The following SPMIP2 variants were observed in gnomAD, a reference collection of about 807,000 sequenced individuals.
SPMIP2 encodes sperm microtubule inner protein 2, also known as protein SPMIP2.
chr4:159,007,898 T>C, the SPMIP2 span: 3 of 459,938 alleles, frequency 6.5e-6, no homozygotes, highest in South Asian at 4.8e-5. Context: ...AAGAATATGG[T>C]AATTACATAA....
the SPMIP2 span, among the ~76,000 whole-genome samples, chr4:159,078,717 C>T: frequency 6.6e-6 from 1 of 152,196 alleles, no homozygotes; most frequent in East Asian, 1.9e-4. Flanking sequence ...AGTAAAAAGA[C>T]AAATTTCTCA....
At chr4:158,941,152 A>G in the SPMIP2 span, among the ~76,000 whole-genome samples, 1 of 152,188 alleles carries the variant, frequency 6.6e-6, no homozygotes, top group African/African-American at 2.4e-5. Context: ...CAGATAGACA[A>G]ATAGACATAT....
At chr4:159,055,168 C>T in the SPMIP2 span, among the ~76,000 whole-genome samples, 1 of 152,186 alleles carries the variant, frequency 6.6e-6, no homozygotes, top group Non-Finnish European at 1.5e-5. Context: ...TTATAAGGAA[C>T]TACCTGAAGA....
chr4:158,893,290 A>C, the SPMIP2 span: 1 of 163,956 alleles, frequency 6.1e-6, no homozygotes, highest in Admixed American at 6.2e-5. Context: ...CCTGGGGTCA[A>C]ATCCAAGTTC....
At chr4:158,989,440 A>G in the SPMIP2 span, among the ~76,000 whole-genome samples, 1 of 152,342 alleles carries the variant, frequency 6.6e-6, no homozygotes, top group South Asian at 2.1e-4. Flanking sequence ...TTGAGCAAAA[A>G]GAATAAAGCT....
chr4:158,901,169 G>A, the SPMIP2 span, among the ~76,000 whole-genome samples: 1 of 119,274 alleles, frequency 8.4e-6, no homozygotes, highest in Non-Finnish European at 1.6e-5. Flanking sequence ...GTCTTGCTCT[G>A]TTGCCCAGGC....
At chr4:158,911,383 T>TAAATAAATAAAA in the SPMIP2 span, among the ~76,000 whole-genome samples, 5 of 76,396 alleles carry the variant, frequency 6.5e-5, no homozygotes, top group East Asian at 2.7e-4. Context: ...AATAAATAAA[T>TAAATAAATAAAA]AAAATAAATA....
At chr4:159,072,451 C>CTTTTTT in the SPMIP2 span, among the ~76,000 whole-genome samples, 3 of 69,126 alleles carry the variant, frequency 4.3e-5, no homozygotes, top group African/African-American at 1.2e-4. Flanking sequence ...CTTATGAATT[C>CTTTTTT]TTTTTTTTTT....
the SPMIP2 span, among the ~76,000 whole-genome samples, chr4:158,987,614 C>T: frequency 6.6e-6 from 1 of 152,048 alleles, no homozygotes; most frequent in Middle Eastern, 3.4e-3. Context: ...GAACAACACA[C>T]TCTGGGGACT....
the SPMIP2 span, chr4:159,007,985 C>A: frequency 2.8e-6 from 1 of 362,880 alleles, no homozygotes; most frequent in Non-Finnish European, 5.4e-6. Context: ...GCCTGTAGTC[C>A]CAGCTACTTG....
the SPMIP2 span, among the ~76,000 whole-genome samples, chr4:159,050,541 A>C: frequency 6.6e-6 from 1 of 152,126 alleles, no homozygotes; most frequent in South Asian, 2.1e-4. Flanking sequence ...GATGGCTCAC[A>C]CGTGTAATCC....
the SPMIP2 span, among the ~76,000 whole-genome samples, chr4:158,916,256 TAAAC>T: frequency 3.9e-5 from 6 of 151,934 alleles, no homozygotes; most frequent in African/African-American, 1.5e-4. Flanking sequence ...AGACAAAAAA[TAAAC>T]AGATAACTGA....
chr4:159,045,592 G>A, the SPMIP2 span, among the ~76,000 whole-genome samples: 1 of 152,228 alleles, frequency 6.6e-6, no homozygotes, highest in Non-Finnish European at 1.5e-5. Context: ...GAATAGCTAT[G>A]AGAGAGAAAG....
the SPMIP2 span, among the ~76,000 whole-genome samples, chr4:158,948,229 G>C: frequency 5.3e-5 from 8 of 152,076 alleles, no homozygotes; most frequent in African/African-American, 1.9e-4. Context: ...CTTGGTTCCT[G>C]GACTGGACTC....
At chr4:158,909,336 A>C in the SPMIP2 span, 1 of 151,986 alleles carries the variant, frequency 6.6e-6, no homozygotes, top group Non-Finnish European at 1.5e-5. Flanking sequence ...GAAAATTTCA[A>C]GTGTTTTTCC....
chr4:159,079,738 A>G, the SPMIP2 span, among the ~76,000 whole-genome samples: 6 of 152,188 alleles, frequency 3.9e-5, no homozygotes, highest in Admixed American at 6.5e-5. Flanking sequence ...GGCACATGAA[A>G]ATTGTCACAG....
the SPMIP2 span, among the ~76,000 whole-genome samples, chr4:158,937,740 A>C: frequency 1.8e-3 from 277 of 152,346 alleles, 1 homozygote; most frequent in Middle Eastern, 0.01. Flanking sequence ...ACCCACAAAG[A>C]AAGTGAACAG....
At chr4:158,897,088 C>T in the SPMIP2 span, among the ~76,000 whole-genome samples, 10 of 151,844 alleles carry the variant, frequency 6.6e-5, no homozygotes, top group South Asian at 2.1e-4. Flanking sequence ...GGAGCACATG[C>T]GGTGTTTGGT....
At chr4:159,043,123 C>T in the SPMIP2 span, among the ~76,000 whole-genome samples, 102 of 152,298 alleles carry the variant, frequency 6.7e-4, no homozygotes, top group Middle Eastern at 3.4e-3. Context: ...CCTTCTCCCT[C>T]ACTAACTCCC....
Sources: gnomAD v4.1 joint callset for allele counts (sites outside exome capture counted in the v4.1 genomes callset) on GRCh38, gnomAD v4.1.1 for gene constraint, MANE v1.5 for transcripts, NCBI Gene and HGNC (gene_info 2026-07-23, HGNC 2026-07-21) for gene names.